The following ARHGAP22 variants were observed in gnomAD, a reference collection of about 807,000 sequenced individuals.
ARHGAP22 encodes the protein Rho GTPase activating protein 22.
ARHGAP22 carries 48 observed loss-of-function variants against 59.1 expected under a neutral mutation model. That is an observed-to-expected ratio of 0.81 (90% confidence interval 0.64 to 1.03). The LOEUF is 1.03. Ranked by LOEUF, ARHGAP22 falls within the 50% of genes least tolerant of loss-of-function variation. ARHGAP22 has a pLI of 0.00. For missense variants in ARHGAP22, 1,015 were observed against 958.7 expected (o/e 1.06, Z -0.78); for synonymous variants, 445 against 416.4 (o/e 1.07, Z -0.84).
chr10:48,435,183 A>G, the ARHGAP22 span: 55,187 of 559,926 alleles, frequency 0.099, 3,441 homozygotes, highest in Non-Finnish European at 0.12. Flanking sequence ...TTTAATTTCA[A>G]GTGATGTAAT....
At chr10:48,580,305 G>T (rs1380279835) in intron 2 of ARHGAP22, among the ~76,000 whole-genome samples, 1 of 152,196 alleles carries the variant, frequency 6.6e-6, no homozygotes, top group East Asian at 1.9e-4. Flanking sequence ...GCAGGGGAGG[G>T]AGAGGAGTGT....
At chr10:48,543,579 G>A (rs1204391463) in intron 3 of ARHGAP22, among the ~76,000 whole-genome samples, 2 of 152,168 alleles carry the variant, frequency 1.3e-5, no homozygotes, top group Non-Finnish European at 2.9e-5. Context: ...TCAGTGAGTA[G>A]TTCTCAGACC....
At chr10:48,577,223 C>T (rs1055354001) in intron 2 of ARHGAP22, among the ~76,000 whole-genome samples, 6 of 152,052 alleles carry the variant, frequency 3.9e-5, no homozygotes, top group African/African-American at 1.2e-4. Flanking sequence ...CTGACTCTTC[C>T]GTATTTAGAG....
chr10:48,433,739 A>T, the ARHGAP22 span, among the ~76,000 whole-genome samples: 1 of 152,160 alleles, frequency 6.6e-6, no homozygotes, highest in Non-Finnish European at 1.5e-5. Context: ...TTCATATTGA[A>T]GTGTTTCATT....
rs2045342850 is a variant in ARHGAP22, at chr10:48,446,290, G to A, written c.*101C>T. The A allele has an allele frequency of 8.0e-7, 1 of 1,250,418 alleles. No homozygotes were observed. The highest frequency in any genetic ancestry group is 2.2e-5 in the Admixed American group (1 of 45,482). The allele number at this position is 1,250,418 out of a possible 1,614,324, so 77.5% of individuals were successfully genotyped here. Reference sequence around the variant, plus strand: ...ATCAGGATCTCTCTCTCTCCAGCTGGCTCCAGAGCGCCTGGCTGCTCCAGA... The same window carrying A: ...ATCAGGATCTCTCTCTCTCCAGCTGACTCCAGAGCGCCTGGCTGCTCCAGA... On this transcript the variant is annotated 3_prime_UTR_variant, in exon 10 of 10. Transcript: ENST00000249601.
At chr10:48,551,152 G>A (rs2056863668) in intron 3 of ARHGAP22, among the ~76,000 whole-genome samples, 1 of 152,154 alleles carries the variant, frequency 6.6e-6, no homozygotes, top group Admixed American at 6.5e-5. Flanking sequence ...TCCCTCCCTG[G>A]TGGACGGTGT....
chr10:48,458,040 T>C (rs2046743160), intron 5 of ARHGAP22, among the ~76,000 whole-genome samples: 1 of 151,574 alleles, frequency 6.6e-6, no homozygotes, highest in Admixed American at 6.6e-5. Context: ...GGAGCTGCCA[T>C]GGAAATGGCA....
downstream of ARHGAP22, chr10:48,444,265 G>A (rs2045271415): frequency 6.6e-6 from 1 of 152,114 alleles, no homozygotes; most frequent in Non-Finnish European, 1.5e-5. Context: ...GTCAGTTTGG[G>A]ACCAGGTTCA....
chr10:48,537,200 G>T (rs192010253), intron 3 of ARHGAP22, among the ~76,000 whole-genome samples: 55 of 152,322 alleles, frequency 3.6e-4, no homozygotes, highest in Non-Finnish European at 3.1e-4. Flanking sequence ...CAGCCCTTGC[G>T]GGGTGGCTGG....
chr10:48,530,224 G>A (rs2054694970), intron 3 of ARHGAP22, among the ~76,000 whole-genome samples: 1 of 112,390 alleles, frequency 8.9e-6, no homozygotes, highest in African/African-American at 3.5e-5. Context: ...GAGGCAGAGT[G>A]AGACTCCATT....
chr10:48,451,875 G>A (rs2045998489), intron 8 of ARHGAP22, among the ~76,000 whole-genome samples: 1 of 148,472 alleles, frequency 6.7e-6, no homozygotes, highest in African/African-American at 2.5e-5. Context: ...ACACACACAA[G>A]TGAACACACA....
Position 48,576,718 on chromosome 10 carries a change from T to C in ARHGAP22, c.234+6235A>G, listed in dbSNP as rs574234816. Among the ~76,000 whole-genome samples, 3 of 152,366 alleles carry C rather than the reference T, an allele frequency of 2.0e-5. No homozygotes were observed. In the South Asian group the frequency reaches 6.2e-4, roughly 32 times the overall value. ...AATTCTTCCCCTGCCATTGCCTGAA[T>C]CTGTCACCACGTTCTATGGTCTCAG... On this transcript the variant is annotated intron_variant, in intron 2 of 9. Transcript: ENST00000249601.
chr10:48,520,740 C>T (rs1240336283), intron 3 of ARHGAP22, among the ~76,000 whole-genome samples: 1 of 151,912 alleles, frequency 6.6e-6, no homozygotes, highest in African/African-American at 2.4e-5. Flanking sequence ...TGGGCAAAAC[C>T]CCAGAAGGCA....
intron 1 of ARHGAP22, among the ~76,000 whole-genome samples, chr10:48,638,997 T>C (rs2061936162): frequency 6.6e-6 from 1 of 152,234 alleles, no homozygotes; most frequent in South Asian, 2.1e-4. Flanking sequence ...ACCAAAGACA[T>C]GCAACAATCA....
chr10:48,619,511 G>A (rs1452079672), intron 1 of ARHGAP22, among the ~76,000 whole-genome samples: 3 of 152,188 alleles, frequency 2.0e-5, no homozygotes, highest in Non-Finnish European at 4.4e-5. Flanking sequence ...CAATGGCAGA[G>A]AATAGAGAGC....
At chr10:48,537,985 C>A (rs1276542856) in intron 3 of ARHGAP22, among the ~76,000 whole-genome samples, 1 of 152,222 alleles carries the variant, frequency 6.6e-6, no homozygotes, top group Non-Finnish European at 1.5e-5. Context: ...GTGGCCCTGG[C>A]AGTGTCACTC....
At chr10:48,653,233 C>T (rs12247045), upstream of ARHGAP22, among the ~76,000 whole-genome samples, 1 of 152,188 alleles carries the variant, frequency 6.6e-6, no homozygotes, top group Admixed American at 6.5e-5. Flanking sequence ...CCTGAAACAC[C>T]TTTCAATTGC....
chr10:48,646,601 T>A (rs1401714057), intron 1 of ARHGAP22, among the ~76,000 whole-genome samples: 1 of 152,144 alleles, frequency 6.6e-6, no homozygotes, highest in African/African-American at 2.4e-5. Flanking sequence ...TTTTAACAAA[T>A]GGTGTTGGGA....
At chr10:48,619,186 A>C (rs549261426) in intron 1 of ARHGAP22, among the ~76,000 whole-genome samples, 1 of 152,290 alleles carries the variant, frequency 6.6e-6, no homozygotes, top group African/African-American at 2.4e-5. Context: ...TAATGAAATA[A>C]ATTGAAAAGA....
Sources: gnomAD v4.1 joint callset for allele counts (sites outside exome capture counted in the v4.1 genomes callset) on GRCh38, gnomAD v4.1.1 for gene constraint, MANE v1.5 for transcripts, NCBI Gene and HGNC (gene_info 2026-07-23, HGNC 2026-07-21) for gene names.